The following CRELD2 variants were observed in gnomAD, a reference collection of about 807,000 sequenced individuals.
CRELD2 encodes protein disulfide isomerase CRELD2.
CRELD2 carries 33 observed loss-of-function variants against 48.1 expected under a neutral mutation model. That is an observed-to-expected ratio of 0.69 (90% CI 0.52 to 0.92). CRELD2 has a LOEUF of 0.92. CRELD2 is among the 40% of genes least tolerant of loss of function. The pLI, the probability that CRELD2 is intolerant of heterozygous loss-of-function variation, is 0.00. For synonymous variants in CRELD2, 220 were observed against 203.9 expected (o/e 1.08, Z -0.67); for missense variants, 477 against 482.4 (o/e 0.99, Z 0.10).
At chr22:49,926,947 C>G (rs545409646) in intron 9 of CRELD2, among the ~76,000 whole-genome samples, 4 of 121,824 alleles carry the variant, frequency 3.3e-5, no homozygotes, top group African/African-American at 9.7e-5. Flanking sequence ...TCGGTCCCCT[C>G]TTTCTCCTCC....
At chr22:49,923,789 A>G in intron 7 of CRELD2, 1 of 269,308 alleles carries the variant, frequency 3.7e-6, no homozygotes, top group Non-Finnish European at 7.2e-6. Context: ...CTTGAAGGTA[A>G]ACTTTTCACA....
Position 49,918,751 on chromosome 22 carries a change from T to C in CRELD2, c.-19T>C. Reference sequence around the variant, plus strand: ...AGGACCTGGAGCTCCGGCTGCGTCTTCCCGCAGCGCTACCCGCCATGCGCC... The same window carrying C: ...AGGACCTGGAGCTCCGGCTGCGTCTCCCCGCAGCGCTACCCGCCATGCGCC... On this transcript the variant is annotated 5_prime_UTR_variant, in exon 1 of 10. Coordinates refer to ENST00000328268, the MANE Select transcript of CRELD2 (RefSeq NM_024324.5). The C allele has an allele frequency of 9.7e-7, 1 of 1,025,952 alleles. No individual in the cohort carries two copies. The highest frequency in any genetic ancestry group is 1.3e-6 in the Non-Finnish European group (1 of 788,774). The allele number at this position is 1,025,952 out of a possible 1,614,324, so 63.6% of individuals were successfully genotyped here. A position where few individuals can be genotyped will look rare whatever the true frequency, so the allele number is the denominator to read the frequency against.
At chr22:49,925,130 CAAAAAA>C in intron 8 of CRELD2, 2 of 145,566 alleles carry the variant, frequency 1.4e-5, no homozygotes, top group Non-Finnish European at 2.7e-5. Context: ...GACTCCGCCT[CAAAAAA>C]AAAAAAAAAA....
chr22:49,924,709 T>G, intron 8 of CRELD2: 3 of 297,118 alleles, frequency 1.0e-5, no homozygotes, highest in Non-Finnish European at 1.3e-5. Flanking sequence ...GGTGGCCTCG[T>G]TCCCCAGGTC....
rs569157188 is a variant in CRELD2, at chr22:49,919,378, T to G, written c.212+66T>G. 44 of 1,435,190 alleles carry G rather than the reference T, an allele frequency of 3.1e-5. No homozygotes were observed. The South Asian group carries it at 5.1e-4, about 17-fold the overall frequency. The allele number at this position is 1,435,190 out of a possible 1,614,324, so 88.9% of individuals were successfully genotyped here. A position where few individuals can be genotyped will look rare whatever the true frequency, so the allele number is the denominator to read the frequency against. On this transcript the variant is annotated intron_variant, in intron 2 of 9. Coordinates refer to ENST00000328268, the MANE Select transcript of CRELD2 (RefSeq NM_024324.5). The stretch of plus-strand genomic sequence containing the variant: ...CTGTCCTGGGAAGTCGTGTCCTGCC[T>G]TTGGTGCCTGTGTTAATGACAGGGA...
At chr22:49,924,164 C>T (rs936806552) in intron 7 of CRELD2, 196 bp from the exon 8 acceptor site, 18 of 507,128 alleles carry the variant, frequency 3.5e-5, no homozygotes, top group East Asian at 1.7e-4. Flanking sequence ...CATGGCTCTC[C>T]GGGAGCACCT....
chr22:49,922,576 G>T (rs1361507267), intron 5 of CRELD2, 36 bp from the exon 6 acceptor site: 3 of 1,503,526 alleles, frequency 2.0e-6, no homozygotes, highest in African/African-American at 2.8e-5. Flanking sequence ...GTACCTGAGA[G>T]TGGGGTTTGT....
At chr22:49,922,065 G>T (rs1034889862) in intron 5 of CRELD2, 1 of 613,346 alleles carries the variant, frequency 1.6e-6, no homozygotes, top group East Asian at 2.8e-5. Context: ...GAGGTGCCGT[G>T]TGGGCCCCGC....
chr22:49,921,865 C>G, intron 5 of CRELD2, 104 bp downstream of exon 5: 1 of 1,179,760 alleles, frequency 8.5e-7, no homozygotes, highest in Non-Finnish European at 1.2e-6. Context: ...TGATCTTTAA[C>G]CCCAGATGTC....
intron 9 of CRELD2, 96 bp from the exon 10 acceptor site, chr22:49,927,159 G>T: frequency 9.1e-7 from 1 of 1,095,742 alleles, no homozygotes; most frequent in African/African-American, 1.6e-5. Context: ...AGGACTGGAC[G>T]GGCAGGCCCT....
intron 4 of CRELD2, chr22:49,921,321 G>A (rs2060684333): frequency 2.2e-5 from 11 of 504,116 alleles, no homozygotes; most frequent in Non-Finnish European, 3.5e-5. Context: ...GTGCTATGCA[G>A]GGTCCCTTGT....
chr22:49,919,320 C>T lies in CRELD2; in HGVS notation c.212+8C>T, dbSNP rs2060651819. 3 of 1,611,622 alleles carry T rather than the reference C, an allele frequency of 1.9e-6. No individual in the cohort carries two copies. The highest frequency in any genetic ancestry group is 2.5e-6 in the Non-Finnish European group (3 of 1,178,250). On this transcript the variant is annotated splice_region_variant and intron_variant, in intron 2 of 9. Coordinates refer to ENST00000328268, the MANE Select transcript of CRELD2 (RefSeq NM_024324.5). ...GTCCAAGTACGAGTCCAGGTGGGTG[C>T]CCTGGAGCACCCCTGTGGGTCTTGG...
chr22:49,924,173 C>A (rs1229743047), intron 7 of CRELD2, 187 bp from the exon 8 acceptor site: 4 of 524,694 alleles, frequency 7.6e-6, no homozygotes, highest in Non-Finnish European at 1.4e-5. Flanking sequence ...CCGGGAGCAC[C>A]TGCTGCACAG....
At chr22:49,926,352 TAG>T (rs1366205089) in intron 9 of CRELD2, 2 of 152,062 alleles carry the variant, frequency 1.3e-5, no homozygotes, top group Non-Finnish European at 2.9e-5. Flanking sequence ...GTCTAGAATA[TAG>T]AGAGTGGGAA....
At chr22:49,918,954 G>C (rs975504067) in intron 1 of CRELD2, 56 bp downstream of exon 1, 72 of 1,313,236 alleles carry the variant, frequency 5.5e-5, no homozygotes, top group Non-Finnish European at 6.6e-5. Context: ...CCCTCACCCT[G>C]CATCCGGGGT....
chr22:49,923,402 G>A (rs1455255247), intron 7 of CRELD2, 85 bp downstream of exon 7: 3 of 1,001,222 alleles, frequency 3.0e-6, no homozygotes, highest in East Asian at 2.5e-5. Context: ...GCTTCTTAGT[G>A]TCACTTCCAT....
rs375169963 is a variant in CRELD2, at chr22:49,924,432, C to T, written c.845C>T (p.Ala282Val). The change falls in exon 8 of 10, where the codon GCG becomes GTG. Residue 282 changes from alanine (A) to valine (V), a missense_variant. By Grantham distance (64) the Ala-to-Val change is moderately conservative. Transcript: ENST00000328268. ...GNCKECISGYAREHGQCADVD... is the reference protein window; with the variant it reads ...GNCKECISGYVREHGQCADVD... ...TGTAAAGAGTGTATCTCTGGCTACGCGAGGGAGCACGGACAGTGTGCAGGT... is the reference window on the plus strand; with the variant it reads ...TGTAAAGAGTGTATCTCTGGCTACGTGAGGGAGCACGGACAGTGTGCAGGT... The T allele has an allele frequency of 4.1e-5, 66 of 1,609,422 alleles. No homozygotes were observed. The African/African-American group carries it at 4.4e-4, about 11-fold the overall frequency.
At chr22:49,920,674 T>C (rs962799368) in intron 4 of CRELD2, among the ~76,000 whole-genome samples, 3 of 152,258 alleles carry the variant, frequency 2.0e-5, no homozygotes, top group Non-Finnish European at 4.4e-5. Context: ...GCTGGGCACA[T>C]GGCCTTGAGC....
intron 9 of CRELD2, chr22:49,925,778 A>C: frequency 7.2e-7 from 1 of 1,381,458 alleles, no homozygotes; most frequent in Non-Finnish European, 9.4e-7. Flanking sequence ...CTCAAACGGA[A>C]GTTCAGGCGA....
Sources: gnomAD v4.1 joint callset for allele counts (sites outside exome capture counted in the v4.1 genomes callset) on GRCh38, gnomAD v4.1.1 for gene constraint, MANE v1.5 for transcripts, NCBI Gene and HGNC (gene_info 2026-07-23, HGNC 2026-07-21) for gene names.